The following IQGAP2 variants were observed in gnomAD, a reference collection of about 807,000 sequenced individuals.
The protein encoded by IQGAP2 is IQ motif containing GTPase activating protein 2.
IQGAP2 carries 173 observed loss-of-function variants against 201.3 expected under a neutral mutation model. The observed-to-expected ratio is 0.86, with a 90% confidence interval of 0.76 to 0.98. IQGAP2 has a LOEUF of 0.98. IQGAP2 is among the 50% of genes least tolerant of loss of function. The pLI, the probability that IQGAP2 is intolerant of heterozygous loss-of-function variation, is 0.00. For synonymous variants in IQGAP2, 675 were observed against 673.9 expected, an observed-to-expected ratio of 1.00 and a Z score of -0.03; for missense variants, 1,687 against 1,864.8, an observed-to-expected ratio of 0.90 and a Z score of 1.76.
At position 76,558,656 on chromosome 5, in the gene IQGAP2, C is replaced by A. The variant is rs569312439; in HGVS notation, c.147-3740C>A. Among the ~76,000 whole-genome samples, 3 of 152,328 alleles carry A rather than the reference C, an allele frequency of 2.0e-5. No individual in the cohort carries two copies. The South Asian group carries it at 6.2e-4, about 32-fold the overall frequency. ...GATATGTGAAAAGGAAGTTCATCAT[C>A]ATCACATCTTACCTGTTCCTTGTTC... On this transcript the variant is annotated intron_variant, in intron 2 of 35. Coordinates refer to ENST00000274364, the MANE Select transcript of IQGAP2 (RefSeq NM_006633.5).
chr5:76,563,586 G>A (rs1463189285), intron 3 of IQGAP2, among the ~76,000 whole-genome samples: 1 of 152,126 alleles, frequency 6.6e-6, no homozygotes, highest in Non-Finnish European at 1.5e-5. Flanking sequence ...CAACCTAAAA[G>A]GCTCCTCCAT....
intron 2 of IQGAP2, among the ~76,000 whole-genome samples, chr5:76,524,055 G>A (rs1348550223): frequency 6.6e-6 from 1 of 152,126 alleles, no homozygotes; most frequent in Non-Finnish European, 1.5e-5. Context: ...TAAATCTGGG[G>A]CATGTGCTGT....
chr5:76,563,151 G>A (rs544320593), intron 3 of IQGAP2, among the ~76,000 whole-genome samples: 3 of 152,218 alleles, frequency 2.0e-5, no homozygotes, highest in East Asian at 3.9e-4. Context: ...GATTGCTTGA[G>A]CCCAGGAGTT....
chr5:76,419,931 A>C (rs1172807131), intron 1 of IQGAP2, among the ~76,000 whole-genome samples: 1 of 151,962 alleles, frequency 6.6e-6, no homozygotes, highest in Non-Finnish European at 1.5e-5. Flanking sequence ...TATAAATTCC[A>C]CACTATGATT....
rs543482965 is a variant in IQGAP2, at chr5:76,421,577, A to T, written c.46+17986A>T. On this transcript the variant is annotated intron_variant, in intron 1 of 35. Transcript: ENST00000274364. ...GGCTGCAGTGAGCCATGATAGTGTC[A>T]CTGCACTCCAGCCTGGGTGACAGAG... Among the ~76,000 whole-genome samples, 546 of 152,294 alleles carry T rather than the reference A, an allele frequency of 3.6e-3. 2 individuals carry two copies. The highest frequency in any genetic ancestry group is 0.013 in the African/African-American group (526 of 41,554).
chr5:76,516,579 A>G (rs1285872212), intron 2 of IQGAP2, among the ~76,000 whole-genome samples: 1 of 152,204 alleles, frequency 6.6e-6, no homozygotes, highest in Non-Finnish European at 1.5e-5. Flanking sequence ...TCCAAATATA[A>G]GGAACTTTAG....
At chr5:76,529,055 A>G (rs912345072) in intron 2 of IQGAP2, among the ~76,000 whole-genome samples, 4 of 152,208 alleles carry the variant, frequency 2.6e-5, no homozygotes, top group African/African-American at 4.8e-5. Flanking sequence ...GATAGCATTC[A>G]TGAGCTGGAG....
intron 12 of IQGAP2, among the ~76,000 whole-genome samples, chr5:76,609,469 A>C (rs1748083364): frequency 6.6e-6 from 1 of 152,226 alleles, no homozygotes; most frequent in Admixed American, 6.5e-5. Flanking sequence ...TAGGAGTTTT[A>C]GATGGTTTCA....
At position 76,680,050 on chromosome 5, in the gene IQGAP2, G is replaced by A. The variant is rs1035133027; in HGVS notation, c.3660+2700G>A. On this transcript the variant is annotated intron_variant, in intron 28 of 35. Transcript: ENST00000274364. The stretch of plus-strand genomic sequence containing the variant: ...TCAGGGAAATGTTAAGAAAAATTTA[G>A]CATCAAACAGATACTCTCTCCTTCA... Among the ~76,000 whole-genome samples, 12 of 152,252 alleles carry A rather than the reference G, an allele frequency of 7.9e-5. 1 individual carries two copies. The highest frequency in any genetic ancestry group is 3.3e-4 in the Admixed American group (5 of 15,284).
chr5:76,541,848 C>T (rs1210314030), intron 2 of IQGAP2, among the ~76,000 whole-genome samples: 3 of 152,148 alleles, frequency 2.0e-5, no homozygotes, highest in Admixed American at 6.5e-5. Context: ...AGCAGCTTTC[C>T]CCCGCTATAA....
intron 17 of IQGAP2, among the ~76,000 whole-genome samples, chr5:76,647,222 G>T (rs1349860339): frequency 6.6e-6 from 1 of 152,232 alleles, no homozygotes; most frequent in Middle Eastern, 3.4e-3. Context: ...ACTCTTAAAA[G>T]TGAAGAGAAA....
chr5:76,623,017 A>G, intron 13 of IQGAP2: 1 of 739,662 alleles, frequency 1.4e-6, no homozygotes, highest in East Asian at 2.5e-5. Context: ...ATAGATGTTC[A>G]TTTCCATGAT....
At chr5:76,695,028 C>G (rs976909178) in intron 31 of IQGAP2, among the ~76,000 whole-genome samples, 2 of 152,156 alleles carry the variant, frequency 1.3e-5, no homozygotes, top group African/African-American at 2.4e-5. Flanking sequence ...TTAGGACTCT[C>G]CATAAACATG....
chr5:76,554,794 T>G (rs1409076190), intron 2 of IQGAP2, among the ~76,000 whole-genome samples: 1 of 152,146 alleles, frequency 6.6e-6, no homozygotes, highest in African/African-American at 2.4e-5. Flanking sequence ...ACCCAGCAAT[T>G]CTACTCTTGG....
intron 30 of IQGAP2, chr5:76,691,855 A>C (rs1746288003): frequency 6.6e-6 from 1 of 152,234 alleles, no homozygotes; most frequent in African/African-American, 2.4e-5. Flanking sequence ...ATTTGTAATT[A>C]ACTTGAAGGG....
At chr5:76,448,086 G>A (rs956366497) in intron 1 of IQGAP2, among the ~76,000 whole-genome samples, 5 of 152,172 alleles carry the variant, frequency 3.3e-5, no homozygotes, top group Non-Finnish European at 7.3e-5. Context: ...TCTCCTAAGG[G>A]TAGCGTGGCT....
intron 2 of IQGAP2, among the ~76,000 whole-genome samples, chr5:76,551,740 G>T (rs1743551323): frequency 6.6e-6 from 1 of 152,076 alleles, no homozygotes; most frequent in Non-Finnish European, 1.5e-5. Context: ...TGCAATCCCA[G>T]GCACTCTGCA....
chr5:76,660,851 C>T (rs538607186), intron 21 of IQGAP2, among the ~76,000 whole-genome samples: 1 of 152,020 alleles, frequency 6.6e-6, no homozygotes, highest in Non-Finnish European at 1.5e-5. Flanking sequence ...AAGTGGGAAA[C>T]GACCTGAAGC....
intron 2 of IQGAP2, among the ~76,000 whole-genome samples, chr5:76,507,582 A>G (rs555495017): frequency 6.6e-6 from 1 of 152,260 alleles, no homozygotes; most frequent in African/African-American, 2.4e-5. Flanking sequence ...GTGAAAGGCC[A>G]TGTCAAGAGA....
Sources: gnomAD v4.1 joint callset for allele counts (sites outside exome capture counted in the v4.1 genomes callset) on GRCh38, gnomAD v4.1.1 for gene constraint, MANE v1.5 for transcripts, NCBI Gene and HGNC (gene_info 2026-07-23, HGNC 2026-07-21) for gene names.